The following MACF1 variants were observed in gnomAD, a reference collection of about 807,000 sequenced individuals.
MACF1 encodes microtubule actin crosslinking factor 1, also known as microtubule-actin cross-linking factor 1.
A neutral mutation model predicts 854.8 loss-of-function variants in MACF1; 193 were observed. The ratio of observed to expected loss-of-function variants is 0.23; its 90% CI spans 0.20 to 0.25. MACF1 has a LOEUF of 0.25. Ranked by LOEUF, MACF1 falls within the 10% of genes least tolerant of loss-of-function variation. MACF1 has a pLI of 1.00. For missense variants in MACF1, 7,722 were observed against 8,929.1 expected, an observed-to-expected ratio of 0.86 and a Z score of 5.45; for synonymous variants, 3,185 against 3,226.7, an observed-to-expected ratio of 0.99 and a Z score of 0.44.
chr1:39,343,979 G>A (rs1333335172), intron 40 of MACF1, among the ~76,000 whole-genome samples: 1 of 152,110 alleles, frequency 6.6e-6, no homozygotes, highest in Admixed American at 6.5e-5. Flanking sequence ...GCCAGGCGTG[G>A]TGGCACATGC....
rs1320726330 is a variant in MACF1, at chr1:39,156,199, G to T, written c.220+71761G>T. Reference sequence around the variant, plus strand: ...CTATTTTGTATTTTTAGTAGAGATGGGGTTTCACCATGTTGGCCAGGCTGG... The same window carrying T: ...CTATTTTGTATTTTTAGTAGAGATGTGGTTTCACCATGTTGGCCAGGCTGG... On this transcript the variant is annotated intron_variant, in intron 2 of 93. Coordinates refer to the MACF1 transcript ENST00000361689. 5.3e-5 allele frequency among the ~76,000 whole-genome samples: 8 copies of T among 151,466 alleles called. No individual in the cohort carries two copies. In the South Asian group the frequency reaches 1.0e-3, roughly 20 times the overall value.
At position 39,253,479 on chromosome 1, in the gene MACF1, A is replaced by G. The variant is rs544999527; in HGVS notation, c.358-819A>G. Among the ~76,000 whole-genome samples the G allele has an allele frequency of 3.0e-5, 4 of 133,734 alleles. No homozygotes were observed. The East Asian group carries it at 8.6e-4, about 29-fold the overall frequency. 87.7% of individuals were successfully genotyped at this position (133,734 alleles called of 152,430 possible). A position where few individuals can be genotyped will look rare whatever the true frequency, so the allele number is the denominator to read the frequency against. On this transcript the variant is annotated intron_variant, in intron 4 of 100. Transcript: ENST00000564288. ...GTTTCTTGAGCATATGTAACTTCTC[A>G]TTTCCTATGGTTAAAAATCAGCTAT...
At chr1:39,244,485 G>T (rs991160091) in intron 2 of MACF1, among the ~76,000 whole-genome samples, 1 of 151,864 alleles carries the variant, frequency 6.6e-6, no homozygotes, top group African/African-American at 2.4e-5. Flanking sequence ...ATTTCACTAT[G>T]TTGGCCAGGC....
At chr1:39,288,913 C>T (rs1053157714) in intron 15 of MACF1, among the ~76,000 whole-genome samples, 2 of 152,164 alleles carry the variant, frequency 1.3e-5, no homozygotes, top group African/African-American at 4.8e-5. Flanking sequence ...GAATCATCCC[C>T]ACCTCCCTCT....
Position 39,453,794 on chromosome 1 carries a change from G to A in MACF1, c.20830G>A (p.Asp6944Asn), listed in dbSNP as rs769550602. ...AGTCATCCTGGCTGTCTGCCACCCC[G>A]ATTGCATCACAACCATCAAACACTG... ...GEVILAVCHP[D>N]CITTIKHWIT... Residue 6944 changes from aspartate (D) to asparagine (N), a missense_variant, in exon 88 of 101, where the codon GAT becomes AAT. Physicochemically the swap from Asp to Asn is conservative, Grantham distance 23 (BLOSUM62 1). Coordinates refer to ENST00000564288, the MANE Select transcript of MACF1 (RefSeq NM_001394062.1). 6.2e-6 allele frequency: 10 copies of A among 1,614,046 alleles called. No homozygotes were observed. The highest frequency in any genetic ancestry group is 4.0e-5 in the African/African-American group (3 of 74,904).
At chr1:39,259,273 A>C (rs1393687887) in intron 6 of MACF1, among the ~76,000 whole-genome samples, 2 of 152,040 alleles carry the variant, frequency 1.3e-5, no homozygotes, top group Non-Finnish European at 2.9e-5. Context: ...ACTACAACTA[A>C]ATTAATTTCC....
chr1:39,287,615 A>C, intron 15 of MACF1, 53 bp downstream of exon 15: 1 of 1,593,944 alleles, frequency 6.3e-7, no homozygotes, highest in South Asian at 1.1e-5. Flanking sequence ...CTGGATCTGG[A>C]AGCTTATCTA....
At chr1:39,317,094 G>A in intron 28 of MACF1, 120 bp from the exon 29 acceptor site, 1 of 1,019,322 alleles carries the variant, frequency 9.8e-7, no homozygotes. Flanking sequence ...AACATTCCAG[G>A]GCACAATCAC....
At position 39,283,926 on chromosome 1, in the gene MACF1, C is replaced by A; in HGVS notation, c.916-140C>A. On this transcript the variant is annotated intron_variant, in intron 9 of 100. Transcript: ENST00000564288. This position sits in a 1 kb window ranked among gnomAD's most constrained non-coding sequence, Gnocchi z 4.5. ...CCCTTGAGGAGCTTTGAAGCTAGTA[C>A]TGTGAGCATTAAACTGAGCAGCATC... 1.1e-6 allele frequency: 1 copy of A among 899,150 alleles called. No homozygotes were observed. The highest frequency in any genetic ancestry group is 1.7e-6 in the Non-Finnish European group (1 of 582,300). 55.7% of individuals were successfully genotyped at this position (899,150 alleles called of 1,614,324 possible).
chr1:39,337,176 C>A lies in MACF1; in HGVS notation c.10066-6C>A, dbSNP rs775432843. 6.2e-7 allele frequency: 1 copy of A among 1,609,300 alleles called. No homozygotes were observed. The highest frequency in any genetic ancestry group is 2.2e-5 in the East Asian group (1 of 44,798). On this transcript the variant is annotated splice_polypyrimidine_tract_variant and splice_region_variant and intron_variant, in intron 37 of 100. Transcript: ENST00000564288. The stretch of plus-strand genomic sequence containing the variant: ...AACTGAGTCAGCTTTCTTTTTGGCT[C>A]CACAGAATGTATTTACCCGGCAACT...
intron 2 of MACF1, among the ~76,000 whole-genome samples, chr1:39,139,936 A>C (rs1214200548): frequency 7.4e-6 from 1 of 135,020 alleles, no homozygotes; most frequent in Non-Finnish European, 1.6e-5. Flanking sequence ...ACCCATAATT[A>C]GAACTAAATC....
intron 44 of MACF1, among the ~76,000 whole-genome samples, chr1:39,354,470 TC>T (rs1360187808): frequency 6.6e-6 from 1 of 152,160 alleles, no homozygotes; most frequent in Non-Finnish European, 1.5e-5. Context: ...AGTGGCACGA[TC>T]CCAGCTCACC....
In MACF1 at chr1:39,357,471, C is replaced by A; in HGVS notation, c.11521C>A (p.Pro3841Thr). The change falls in exon 45 of 101, where the codon CCT becomes ACT. Residue 3841 changes from proline (P) to threonine (T), a missense_variant. Coordinates refer to ENST00000564288, the MANE Select transcript of MACF1 (RefSeq NM_001394062.1). Reference protein sequence around the residue: ...FLDQHGHNLTPEEQQMLQQKL... With the variant: ...FLDQHGHNLTTEEQQMLQQKL... ...GGATCAGCATGGCCACAATCTCACACCTGAGGAGCAACAGATGCTGCAACA... is the reference window on the plus strand; with the variant it reads ...GGATCAGCATGGCCACAATCTCACAACTGAGGAGCAACAGATGCTGCAACA... The A allele has an allele frequency of 6.2e-7, 1 of 1,614,124 alleles. No individual in the cohort carries two copies.
chr1:39,201,955 C>CTTTTTT (rs748333630), upstream of MACF1, among the ~76,000 whole-genome samples: 7 of 52,360 alleles, frequency 1.3e-4, no homozygotes, highest in African/African-American at 3.5e-4. Context: ...TGCTCATATT[C>CTTTTTT]TTTTTTTTTT....
At chr1:39,131,389 G>C (rs965729553) in intron 2 of MACF1, among the ~76,000 whole-genome samples, 7 of 150,916 alleles carry the variant, frequency 4.6e-5, no homozygotes, top group Non-Finnish European at 7.4e-5. Flanking sequence ...GCCAAGGCTG[G>C]TCTTGAACTC....
intron 2 of MACF1, among the ~76,000 whole-genome samples, chr1:39,173,698 A>G (rs1320236693): frequency 2.0e-5 from 3 of 152,230 alleles, no homozygotes; most frequent in Non-Finnish European, 2.9e-5. Flanking sequence ...CTGAAGGTCC[A>G]GAGTTACTGA....
In MACF1 at chr1:39,287,373, G is replaced by A. The variant is rs774601259; in HGVS notation, c.1596G>A (p.Leu532=). ...AGGGTCATTTCACTTCACTTGAATT[G>A]GTTCCACCCTCTACTTTAACCACCA... is the stretch of plus-strand genomic sequence containing the variant. ...YRKGHFTSLE[L]VPPSTLTTTH... is the part of the protein sequence containing the mutation. The change falls in exon 15 of 101, where the codon TTG becomes TTA. Residue 532 remains leucine (L), a synonymous_variant. Transcript: ENST00000564288. 23 of 1,613,922 alleles carry A rather than the reference G, an allele frequency of 1.4e-5. No homozygotes were observed. Among genetic ancestry groups the A allele is most frequent in the Non-Finnish European group, 1.7e-5 (20 of 1,180,008 alleles).
chr1:39,194,351 CTTTTTT>C (rs749853544), intron 2 of MACF1, among the ~76,000 whole-genome samples: 24 of 35,534 alleles, frequency 6.8e-4, no homozygotes, highest in South Asian at 3.7e-3. Context: ...CTTTTCTTTT[CTTTTTT>C]TTTTTTTTTT....
In MACF1 at chr1:39,417,712, A is replaced by ATTTTTTTTTTTTT. The variant is rs1643370130; in HGVS notation, c.15817-4662_15817-4661insTTTTTTTTTTTTT. On this transcript the variant is annotated intron_variant, in intron 58 of 100. Transcript: ENST00000564288. ...CAGGAATGTGCCACCACACCCAGTT[A>ATTTTTTTTTTTTT]ATTTTTTTTTTTTTTTTTTTTTTTT... Among the ~76,000 whole-genome samples the ATTTTTTTTTTTTT allele has an allele frequency of 1.0e-4, 7 of 68,514 alleles. 1 individual carries two copies. The East Asian group carries it at 2.7e-3, about 26-fold the overall frequency. 44.9% of individuals were successfully genotyped at this position (68,514 alleles called of 152,430 possible). A position where few individuals can be genotyped will look rare whatever the true frequency, so the allele number is the denominator to read the frequency against.
Sources: gnomAD v4.1 joint callset for allele counts (sites outside exome capture counted in the v4.1 genomes callset) on GRCh38, gnomAD v4.1.1 for gene constraint, Gnocchi (gnomAD v3.1) non-coding constraint, MANE v1.5 for transcripts, NCBI Gene and HGNC (gene_info 2026-07-23, HGNC 2026-07-21) for gene names.